COMMD6: variants seen among roughly 807,000 people sequenced by gnomAD.
The protein encoded by COMMD6 is COMM domain-containing protein 6.
COMMD6 carries 11 observed loss-of-function variants against 13.4 expected under a neutral mutation model. The observed-to-expected ratio is 0.82, with a 90% CI of 0.52 to 1.36. The LOEUF is 1.36. Ranked by LOEUF, COMMD6 falls within the 40% of genes most tolerant of loss-of-function variation. COMMD6 has a pLI of 0.00. For synonymous variants in COMMD6, 43 were observed against 36.5 expected (o/e 1.18, Z -0.64); for missense variants, 124 against 102.4 (o/e 1.21, Z -0.91).
At chr13:75,530,798 A>C (rs1450267615) in intron 2 of COMMD6, among the ~76,000 whole-genome samples, 1 of 152,246 alleles carries the variant, frequency 6.6e-6, no homozygotes, top group Non-Finnish European at 1.5e-5. Flanking sequence ...CCAACTTCAG[A>C]GAGCTTAGGT....
intron 2 of COMMD6, among the ~76,000 whole-genome samples, chr13:75,533,767 A>G (rs2030572381): frequency 6.6e-6 from 1 of 152,118 alleles, no homozygotes; most frequent in African/African-American, 2.4e-5. Context: ...AGAAAATTAT[A>G]AAAAATTGAG....
At chr13:75,538,959 G>A (rs1566201132), upstream of COMMD6, among the ~76,000 whole-genome samples, 1 of 152,182 alleles carries the variant, frequency 6.6e-6, no homozygotes, top group Non-Finnish European at 1.5e-5. Flanking sequence ...GCTCAGTTCT[G>A]TGCAGTTTCC....
At position 75,544,926 on chromosome 13, in the gene COMMD6, C is replaced by CA. The variant is rs10708731; in HGVS notation, n.106+4396dup. 7.4e-4 allele frequency among the ~76,000 whole-genome samples: 77 copies of CA among 104,538 alleles called. 1 individual carries two copies. The highest frequency in any genetic ancestry group is 2.3e-3 in the African/African-American group (66 of 28,776). 68.6% of individuals were successfully genotyped at this position (104,538 alleles called of 152,430 possible). On this transcript the variant is annotated intron_variant and non_coding_transcript_variant, in intron 1 of 2. Coordinates refer to the COMMD6 transcript ENST00000460675. ...GGGCGACCAAGCAAGACTCTGTCTC[C>CA]AAAAAAAAAAAAAAAACAAAAAACA...
At chr13:75,544,008 G>T (rs2030862737) in intron 1 of COMMD6, among the ~76,000 whole-genome samples, 1 of 151,802 alleles carries the variant, frequency 6.6e-6, no homozygotes, top group South Asian at 2.1e-4. Context: ...CTGACTCCCA[G>T]TGTATCTGCT....
intron 3 of COMMD6, among the ~76,000 whole-genome samples, chr13:75,527,582 A>G (rs563165362): frequency 2.6e-5 from 4 of 152,276 alleles, no homozygotes; most frequent in Non-Finnish European, 5.9e-5. Context: ...GTTTTTGTGT[A>G]TATTTATATT....
intron 3 of COMMD6, among the ~76,000 whole-genome samples, chr13:75,528,079 G>C (rs534283684): frequency 2.3e-4 from 35 of 151,862 alleles, no homozygotes; most frequent in Non-Finnish European, 4.3e-4. Context: ...AACTGTGTGG[G>C]GGTGGATGTG....
intron 3 of COMMD6, chr13:75,529,690 A>C (rs1055297545): frequency 5.2e-5 from 8 of 154,312 alleles, no homozygotes; most frequent in Non-Finnish European, 8.6e-5. Context: ...CAAGAGGTAC[A>C]CTTGCTCTGA....
intron 1 of COMMD6, among the ~76,000 whole-genome samples, chr13:75,545,775 A>G (rs960985772): frequency 2.0e-5 from 3 of 151,996 alleles, no homozygotes; most frequent in African/African-American, 7.3e-5. Context: ...CCAGCCTCAG[A>G]TGGCTTCTTA....
chr13:75,540,442 TTTG>T (rs778328769), upstream of COMMD6, among the ~76,000 whole-genome samples: 48 of 152,234 alleles, frequency 3.2e-4, no homozygotes, highest in African/African-American at 7.7e-4. Flanking sequence ...AAAGGTATTT[TTTG>T]TTATTTCTTT....
chr13:75,532,312 T>C (rs2030507947), intron 2 of COMMD6, among the ~76,000 whole-genome samples: 4 of 152,226 alleles, frequency 2.6e-5, no homozygotes, highest in Non-Finnish European at 5.9e-5. Context: ...AGTGACTACA[T>C]TTCTGGTTGA....
In COMMD6 at chr13:75,525,607, T is replaced by G. The variant is rs2030215176; in HGVS notation, c.*982A>C. 6.6e-6 allele frequency: 1 copy of G among 152,302 alleles called. No individual in the cohort carries two copies. Among genetic ancestry groups the G allele is most frequent in the Non-Finnish European group, 1.5e-5 (1 of 68,090 alleles). The allele number at this position is 152,302 out of a possible 1,614,324, so 9.4% of individuals were successfully genotyped here. The stretch of plus-strand genomic sequence containing the variant: ...TGGCCCATCAGCTAACTCATCAAGC[T>G]GGTAGGAATCTGAGCGCACAGGTGG... On this transcript the variant is annotated 3_prime_UTR_variant, in exon 4 of 4. Coordinates refer to ENST00000682242, the MANE Select transcript of COMMD6 (RefSeq NM_203495.4).
intron 2 of COMMD6, 105 bp downstream of exon 2, chr13:75,537,559 C>A (rs1329697803): frequency 7.0e-6 from 11 of 1,565,446 alleles, no homozygotes; most frequent in African/African-American, 1.4e-5. Flanking sequence ...CACCGGCTCG[C>A]GGACACAGGA....
chr13:75,526,091 A>C lies in COMMD6; in HGVS notation c.*498T>G, dbSNP rs1177500388. ...CAATGGTCAATCTTAATCTGATTAC[A>C]AAAGTTTGAAAAAAGAAGCCTCACT... is the stretch of plus-strand genomic sequence containing the variant. On this transcript the variant is annotated 3_prime_UTR_variant, in exon 4 of 4. Transcript: ENST00000682242. 6.6e-6 allele frequency: 1 copy of C among 152,334 alleles called. No homozygotes were observed. The highest frequency in any genetic ancestry group is 6.5e-5 in the Admixed American group (1 of 15,286). The allele number at this position is 152,334 out of a possible 1,614,324, so 9.4% of individuals were successfully genotyped here.
chr13:75,541,513 G>A (rs867214699), upstream of COMMD6, among the ~76,000 whole-genome samples: 6 of 151,918 alleles, frequency 3.9e-5, no homozygotes, highest in Non-Finnish European at 7.4e-5. Flanking sequence ...GAAGCTGCCC[G>A]TTCATCTCAA....
chr13:75,537,807 G>A lies in COMMD6; in HGVS notation c.-2C>T, dbSNP rs1208431817. ...CGGCGGCTCGCTGGACGCCTCCATG[G>A]GCAGCGTCTGGGACTTGCGGCCCGG... On this transcript the variant is annotated 5_prime_UTR_variant, in exon 1 of 4. Transcript: ENST00000682242. The A allele has an allele frequency of 4.4e-6, 7 of 1,603,050 alleles. No homozygotes were observed. The East Asian group carries it at 9.0e-5, about 20-fold the overall frequency.
chr13:75,537,775 C>A lies in COMMD6; in HGVS notation c.31G>T (p.Ala11Ser), dbSNP rs1252890388. The A allele has an allele frequency of 6.2e-7, 1 of 1,611,962 alleles. No individual in the cohort carries two copies. The highest frequency in any genetic ancestry group is 8.5e-7 in the Non-Finnish European group (1 of 1,178,424). Residue 11 changes from alanine (A) to serine (S), a missense_variant, in exon 1 of 4, where the codon GCT becomes TCT. Coordinates refer to ENST00000682242, the MANE Select transcript of COMMD6 (RefSeq NM_203495.4). ...AGGTTGGAACTCACATCGGACTTAG[C>A]ATCCAGCGGCGGCTCGCTGGACGCC... is the stretch of plus-strand genomic sequence containing the variant. MEASSEPPLD[A>S]KSDVTNQLVD... is the part of the protein sequence containing the mutation.
chr13:75,546,582 G>C (rs1178180173), intron 1 of COMMD6, among the ~76,000 whole-genome samples: 1 of 118,770 alleles, frequency 8.4e-6, no homozygotes, highest in Non-Finnish European at 2.1e-5. Flanking sequence ...TTCAGCAGTT[G>C]CTGCAAAATG....
At chr13:75,533,004 T>C (rs867057142) in intron 2 of COMMD6, among the ~76,000 whole-genome samples, 30 of 151,486 alleles carry the variant, frequency 2.0e-4, no homozygotes, top group South Asian at 4.2e-4. Context: ...GATCTTGGCT[T>C]ACTGCAAGCT....
intron 3 of COMMD6, among the ~76,000 whole-genome samples, chr13:75,526,877 A>G (rs1364291667): frequency 3.3e-5 from 5 of 151,550 alleles, no homozygotes; most frequent in East Asian, 1.9e-4. Flanking sequence ...AGCACATGAG[A>G]AAGTCCTTTT....
Sources: allele counts gnomAD v4.1 joint callset (sites outside exome capture counted in the v4.1 genomes callset), GRCh38; gene constraint gnomAD v4.1.1; transcripts MANE v1.5; gene names NCBI Gene and HGNC (gene_info 2026-07-23, HGNC 2026-07-21).